Variants in SETDB2 observed in about 807,000 individuals in gnomAD.
SETDB2 encodes the protein histone-lysine N-methyltransferase SETDB2.
A neutral mutation model predicts 82.5 loss-of-function variants in SETDB2; 56 were observed. That is an observed-to-expected ratio of 0.68 (90% CI 0.55 to 0.85). The LOEUF (loss-of-function observed/expected upper bound fraction) is 0.85, where lower values mean the gene tolerates loss of function less well. Among genes scored for constraint, SETDB2 ranks in the 40% least tolerant of loss-of-function variants. SETDB2 has a pLI of 0.00. For missense variants in SETDB2, 677 were observed against 816.4 expected, an observed-to-expected ratio of 0.83 and a Z score of 2.08; for synonymous variants, 272 against 284.9, an observed-to-expected ratio of 0.95 and a Z score of 0.46.
rs896091600 is a variant in SETDB2 at position 49,467,350 on chromosome 13, A to G, written c.209-514A>G. Among the ~76,000 whole-genome samples, 8 of 152,028 alleles carry G rather than the reference A, an allele frequency of 5.3e-5. No homozygotes were observed. In the East Asian group the frequency reaches 1.5e-3, roughly 29 times the overall value. On this transcript the variant is annotated intron_variant, in intron 4 of 13. Transcript: ENST00000611815. Reference sequence around the variant, plus strand: ...GTAGAGGTTGCAGTGAGCCAAGATCATACCACTGCACTCCACCCTGGGCGA... The same window carrying G: ...GTAGAGGTTGCAGTGAGCCAAGATCGTACCACTGCACTCCACCCTGGGCGA...
At chr13:49,477,851 A>G (rs1209163436) in intron 6 of SETDB2, among the ~76,000 whole-genome samples, 1 of 152,232 alleles carries the variant, frequency 6.6e-6, no homozygotes, top group African/African-American at 2.4e-5. Context: ...TTTGCTGGCT[A>G]ATGTGATGCT....
intron 1 of SETDB2, among the ~76,000 whole-genome samples, chr13:49,450,675 T>G (rs1354904573): frequency 6.6e-6 from 1 of 152,082 alleles, no homozygotes; most frequent in African/African-American, 2.4e-5. Context: ...CCTTTTTGTT[T>G]TCAGCATGGC....
rs947926154 is a variant in SETDB2, at chr13:49,494,927, A to T, written c.*3078A>T. ...CTATAATTATATGCATTTATGTTAG[A>T]TTCACTGAAAACCTCATCTTGTATG... On this transcript the variant is annotated 3_prime_UTR_variant, in exon 14 of 14. Coordinates refer to ENST00000611815, the MANE Select transcript of SETDB2 (RefSeq NM_001160308.3). 3.3e-5 allele frequency: 5 copies of T among 152,158 alleles called. No homozygotes were observed. The highest frequency in any genetic ancestry group is 3.3e-4 in the Admixed American group (5 of 15,276). The allele number at this position is 152,158 out of a possible 1,614,324, so 9.4% of individuals were successfully genotyped here. A position where few individuals can be genotyped will look rare whatever the true frequency, so the allele number is the denominator to read the frequency against.
rs1000778904 is a variant in SETDB2 at position 49,494,023 on chromosome 13, A to C, written c.*2174A>C. ...ACTGTTTCTGGAATTCCTGTTTTCCAGATGTTAGACCTCCAGAATTTGATC... is the reference window on the plus strand; with the variant it reads ...ACTGTTTCTGGAATTCCTGTTTTCCCGATGTTAGACCTCCAGAATTTGATC... On this transcript the variant is annotated 3_prime_UTR_variant, in exon 14 of 14. Coordinates refer to ENST00000611815, the MANE Select transcript of SETDB2 (RefSeq NM_001160308.3). 1 of 152,152 alleles carries C rather than the reference A, an allele frequency of 6.6e-6. No homozygotes were observed. Among genetic ancestry groups the C allele is most frequent in the Non-Finnish European group, 1.5e-5 (1 of 68,042 alleles). 9.4% of individuals were successfully genotyped at this position (152,152 alleles called of 1,614,324 possible). A position where few individuals can be genotyped will look rare whatever the true frequency, so the allele number is the denominator to read the frequency against.
chr13:49,490,954 T>A, intron 13 of SETDB2, 44 bp downstream of exon 13: 1 of 1,507,882 alleles, frequency 6.6e-7, no homozygotes, highest in Non-Finnish European at 9.2e-7. Context: ...ATTGTGACTT[T>A]AAAAATAACA....
chr13:49,463,887 T>C, intron 4 of SETDB2: 1 of 638,988 alleles, frequency 1.6e-6, no homozygotes, highest in Non-Finnish European at 2.8e-6. Flanking sequence ...CCTGGCTTCT[T>C]AGATAGTATT....
intron 6 of SETDB2, among the ~76,000 whole-genome samples, 199 bp from the exon 7 acceptor site, chr13:49,480,020 T>C (rs1566171325): frequency 6.6e-6 from 1 of 152,196 alleles, no homozygotes; most frequent in Non-Finnish European, 1.5e-5. Context: ...GCAGTGCAGT[T>C]TATAATTATT....
Position 49,483,469 on chromosome 13 carries a change from C to T in SETDB2, c.1388C>T (p.Thr463Met), listed in dbSNP as rs778939202. Residue 463 changes from threonine (T) to methionine (M), a missense_variant, in exon 10 of 14, where the codon ACG becomes ATG. Thr to Met is a moderately conservative substitution (Grantham distance 81, BLOSUM62 -1). This residue lies in a region of SETDB2 where 420 missense variants were observed against 554.6 expected (regional missense o/e 0.76). Coordinates refer to ENST00000611815, the MANE Select transcript of SETDB2 (RefSeq NM_001160308.3). ...AACTTTTTTTTCCTTTTTAGGGAAA[C>T]GAAATATGATAATATTTCAAGAATT... is the stretch of plus-strand genomic sequence containing the variant. ...SNNPKELTVE[T>M]KYDNISRIQY... The T allele has an allele frequency of 1.6e-4, 215 of 1,321,112 alleles. No homozygotes were observed. Among genetic ancestry groups the T allele is most frequent in the South Asian group, 3.0e-4 (21 of 68,980 alleles). 81.8% of individuals were successfully genotyped at this position (1,321,112 alleles called of 1,614,324 possible).
At chr13:49,491,065 C>T (rs1042948005) in intron 13 of SETDB2, among the ~76,000 whole-genome samples, 155 bp downstream of exon 13, 3 of 152,058 alleles carry the variant, frequency 2.0e-5, no homozygotes, top group African/African-American at 7.2e-5. Context: ...CCAGCCAGAG[C>T]CACATGGCGA....
chr13:49,482,383 CT>C, intron 8 of SETDB2: 2 of 911,750 alleles, frequency 2.2e-6, no homozygotes, highest in Non-Finnish European at 2.6e-6. Flanking sequence ...ATGATAACGC[CT>C]TTTTAACTAG....
At chr13:49,468,215 A>C (rs924894607) in intron 5 of SETDB2, among the ~76,000 whole-genome samples, 1 of 152,148 alleles carries the variant, frequency 6.6e-6, no homozygotes, top group African/African-American at 2.4e-5. Flanking sequence ...AATACACTGA[A>C]ATCTACCAAG....
intron 5 of SETDB2, among the ~76,000 whole-genome samples, chr13:49,475,251 T>C (rs949759611): frequency 2.0e-5 from 3 of 152,100 alleles, no homozygotes; most frequent in Admixed American, 6.6e-5. Flanking sequence ...GGGAAAGACC[T>C]GCACCCATGA....
At chr13:49,454,944 A>G (rs1030305602) in intron 2 of SETDB2, among the ~76,000 whole-genome samples, 3 of 152,154 alleles carry the variant, frequency 2.0e-5, no homozygotes, top group Non-Finnish European at 4.4e-5. Context: ...TTATGTGGGT[A>G]ACATCTGTTG....
At chr13:49,483,059 A>T in intron 9 of SETDB2, 97 bp downstream of exon 9, 1 of 799,570 alleles carries the variant, frequency 1.3e-6, no homozygotes, top group Non-Finnish European at 2.0e-6. Flanking sequence ...CCTCATTTGT[A>T]TTTATCATTT....
At position 49,452,773 on chromosome 13, in the gene SETDB2, G is replaced by A. The variant is rs369061614; in HGVS notation, c.16+864G>A. Reference sequence around the variant, plus strand: ...ATATTTTGTAAGATGCCCCTCTGTTGGAATTATTGTCTGATGTTTTTCCAT... The same window carrying A: ...ATATTTTGTAAGATGCCCCTCTGTTAGAATTATTGTCTGATGTTTTTCCAT... On this transcript the variant is annotated intron_variant, in intron 2 of 13. Transcript: ENST00000611815. 6.1e-4 allele frequency among the ~76,000 whole-genome samples: 93 copies of A among 152,130 alleles called. 1 individual carries two copies. Among genetic ancestry groups the A allele is most frequent in the African/African-American group, 2.1e-3 (88 of 41,482 alleles).
chr13:49,480,863 C>A, intron 7 of SETDB2, 84 bp from the exon 8 acceptor site: 1 of 1,444,518 alleles, frequency 6.9e-7, no homozygotes, highest in South Asian at 1.3e-5. Context: ...GCCTGCTTCC[C>A]TCAGTAGTTA....
intron 8 of SETDB2, chr13:49,482,018 TC>T: frequency 1.0e-6 from 1 of 978,754 alleles, no homozygotes; most frequent in Non-Finnish European, 1.2e-6. Flanking sequence ...TCCCTGCCAC[TC>T]CCCATTTACA....
Position 49,476,624 on chromosome 13 carries a change from C to G in SETDB2, c.454C>G (p.Pro152Ala), listed in dbSNP as rs1490972993. ...KMPLNLKGEN[P>A]LQLPIKCHFQ... Reference sequence around the variant, plus strand: ...GCCACTGAACTTGAAGGGAGAAAACCCTCTGCAGCTGCCAATCAAATGTCA... The same window carrying G: ...GCCACTGAACTTGAAGGGAGAAAACGCTCTGCAGCTGCCAATCAAATGTCA... Residue 152 changes from proline (P) to alanine (A), a missense_variant, in exon 6 of 14, where the codon CCT becomes GCT. Around this residue, in one of 3 missense-constraint regions of SETDB2, gnomAD observed 243 missense variants for 237.2 expected, o/e 1.02. Transcript: ENST00000611815. 2.5e-6 allele frequency: 4 copies of G among 1,614,056 alleles called. No individual in the cohort carries two copies. The highest frequency in any genetic ancestry group is 1.3e-5 in the African/African-American group (1 of 74,998).
At chr13:49,461,281 A>G in intron 4 of SETDB2, 119 bp downstream of exon 4, 2 of 664,708 alleles carry the variant, frequency 3.0e-6, no homozygotes, top group Non-Finnish European at 4.9e-6. Flanking sequence ...TAACATCCAC[A>G]TTTCTAAGTT....
Sources: allele counts gnomAD v4.1 joint callset (sites outside exome capture counted in the v4.1 genomes callset), GRCh38; gene constraint gnomAD v4.1.1; regional missense constraint gnomAD v4.1.1; transcripts MANE v1.5; gene names NCBI Gene and HGNC (gene_info 2026-07-23, HGNC 2026-07-21).